The following KDM4B variants were observed in gnomAD, a reference collection of about 807,000 sequenced individuals.
KDM4B encodes lysine demethylase 4B, also known as lysine-specific demethylase 4B.
In KDM4B, 32 loss-of-function variants were observed where a neutral mutation model predicts 125.2. That is an observed-to-expected ratio of 0.26 (90% CI 0.19 to 0.34). The LOEUF is 0.34. KDM4B is among the 10% of genes least tolerant of loss of function. KDM4B has a pLI of 1.00. For synonymous variants in KDM4B, 721 were observed against 677.9 expected (o/e 1.06, Z -0.99); for missense variants, 1,190 against 1,577.7 (o/e 0.75, Z 4.16).
In KDM4B at chr19:5,134,073, G is replaced by A. The variant is rs1355585279; in HGVS notation, c.2085+12G>A. 1 of 1,576,144 alleles carries A rather than the reference G, an allele frequency of 6.3e-7. No homozygotes were observed. Among genetic ancestry groups the A allele is most frequent in the Admixed American group, 1.7e-5 (1 of 57,944 alleles). On this transcript the variant is annotated intron_variant, in intron 14 of 22. Coordinates refer to ENST00000159111, the MANE Select transcript of KDM4B (RefSeq NM_015015.3). ...ACCCCTACTGCCAGGTGGGCAGGCG[G>A]GCCTCACGGGTCCCAGAGAACCCCA...
At chr19:5,108,809 G>A (rs2039084098) in intron 9 of KDM4B, among the ~76,000 whole-genome samples, 1 of 152,178 alleles carries the variant, frequency 6.6e-6, no homozygotes, top group Non-Finnish European at 1.5e-5. Flanking sequence ...GATAAGGGTT[G>A]GCAGAGGTCG....
intron 3 of KDM4B, 72 bp downstream of exon 3, chr19:5,033,103 C>T (rs2145621263): frequency 1.9e-6 from 3 of 1,549,226 alleles, no homozygotes; most frequent in Non-Finnish European, 2.6e-6. Flanking sequence ...TCCTGGGTCC[C>T]AGCTCAGCCA....
At chr19:5,139,034 C>T (rs1039540775) in intron 18 of KDM4B, among the ~76,000 whole-genome samples, 6 of 152,144 alleles carry the variant, frequency 3.9e-5, no homozygotes, top group Non-Finnish European at 8.8e-5. Flanking sequence ...GCGATCATCC[C>T]GCCTCAGCCT....
rs1280832422 is a variant in KDM4B at position 5,018,942 on chromosome 19, C to T, written c.-26+2603C>T. 7.2e-5 allele frequency among the ~76,000 whole-genome samples: 11 copies of T among 152,246 alleles called. No homozygotes were observed. In the East Asian group the frequency reaches 7.7e-4, roughly 11 times the overall value. On this transcript the variant is annotated intron_variant, in intron 2 of 22. Coordinates refer to ENST00000159111, the MANE Select transcript of KDM4B (RefSeq NM_015015.3). ...GCGTTCTGCTGTGTGTGGTGCCGGG[C>T]GACCTGCTCCCCTGCTGATGGGCGC... is the stretch of plus-strand genomic sequence containing the variant.
rs147573499 is a variant in KDM4B at position 4,998,564 on chromosome 19, C to T, written c.-108-17693C>T. The stretch of plus-strand genomic sequence containing the variant: ...TTTACCTCTCCTTCAGTGTGTATTT[C>T]CCCCAGACAAGGAATTTTTGTATCA... On this transcript the variant is annotated intron_variant, in intron 1 of 22. Coordinates refer to ENST00000159111, the MANE Select transcript of KDM4B (RefSeq NM_015015.3). Among the ~76,000 whole-genome samples, 968 of 152,194 alleles carry T rather than the reference C, an allele frequency of 6.4e-3. 9 individuals carry two copies. Among genetic ancestry groups the T allele is most frequent in the African/African-American group, 0.022 (913 of 41,498 alleles).
chr19:5,122,923 C>T (rs2039387147), intron 11 of KDM4B, among the ~76,000 whole-genome samples: 1 of 152,356 alleles, frequency 6.6e-6, no homozygotes, highest in African/African-American at 2.4e-5. Context: ...TGCGTGAGTC[C>T]GGCTGCATTG....
chr19:5,143,156 C>T (rs1210260907), intron 18 of KDM4B, among the ~76,000 whole-genome samples: 2 of 152,004 alleles, frequency 1.3e-5, no homozygotes, highest in Non-Finnish European at 2.9e-5. Context: ...CAAGACTCCA[C>T]CTCTACAAAA....
chr19:4,989,080 T>C (rs1263096625), intron 1 of KDM4B, among the ~76,000 whole-genome samples: 1 of 152,228 alleles, frequency 6.6e-6, no homozygotes, highest in Non-Finnish European at 1.5e-5. Flanking sequence ...TTGCCTCCGC[T>C]TCCTTGTCTG....
chr19:5,050,532 G>A (rs1177712047), intron 6 of KDM4B, among the ~76,000 whole-genome samples: 1 of 152,222 alleles, frequency 6.6e-6, no homozygotes, highest in African/African-American at 2.4e-5. Flanking sequence ...GTGGGGTGGT[G>A]GCCTGGGGTC....
Position 5,141,487 on chromosome 19 carries a change from A to G in KDM4B, c.2551-2480A>G, listed in dbSNP as rs575466598. On this transcript the variant is annotated intron_variant, in intron 18 of 22. Coordinates refer to ENST00000159111, the MANE Select transcript of KDM4B (RefSeq NM_015015.3). This position sits in a 1 kb window ranked among gnomAD's most constrained non-coding sequence, Gnocchi z 6.4. ...TACCGGTGCTTGTAACGATGAATTA[A>G]AAATCCTTTTACACGAGGCCCGCTT... 1 of 152,344 alleles carries G rather than the reference A, an allele frequency of 6.6e-6. No homozygotes were observed. Among genetic ancestry groups the G allele is most frequent in the African/African-American group, 2.4e-5 (1 of 41,578 alleles). The allele number at this position is 152,344 out of a possible 1,614,324, so 9.4% of individuals were successfully genotyped here. A position where few individuals can be genotyped will look rare whatever the true frequency, so the allele number is the denominator to read the frequency against.
At chr19:5,064,463 C>T (rs1167338029) in intron 6 of KDM4B, among the ~76,000 whole-genome samples, 1 of 35,492 alleles carries the variant, frequency 2.8e-5, no homozygotes, top group Non-Finnish European at 5.5e-5. Flanking sequence ...TCCTCGGCGG[C>T]GGGGGTGGGG....
At chr19:5,069,395 CA>C (rs1391806499) in intron 6 of KDM4B, among the ~76,000 whole-genome samples, 1 of 148,588 alleles carries the variant, frequency 6.7e-6, no homozygotes, top group East Asian at 2.0e-4. Context: ...TTGCAACCTC[CA>C]CTTCCTGGAT....
In KDM4B at chr19:5,081,176, C is replaced by G. The variant is rs1302921361; in HGVS notation, c.781-1191C>G. Among the ~76,000 whole-genome samples, 1 of 152,142 alleles carries G rather than the reference C, an allele frequency of 6.6e-6. No homozygotes were observed. The highest frequency in any genetic ancestry group is 2.4e-5 in the African/African-American group (1 of 41,420). On this transcript the variant is annotated intron_variant, in intron 8 of 22. Transcript: ENST00000159111. This position sits in a 1 kb window ranked among gnomAD's most constrained non-coding sequence, Gnocchi z 4.2. The stretch of plus-strand genomic sequence containing the variant: ...TGGATGTTAAATAAAGATGAGGAGC[C>G]CACTTGACTTCAAGGATTCTAGTTC...
At chr19:5,019,375 T>C (rs1374600550) in intron 2 of KDM4B, among the ~76,000 whole-genome samples, 6 of 142,104 alleles carry the variant, frequency 4.2e-5, no homozygotes, top group African/African-American at 1.6e-4. Flanking sequence ...GGTGTGGACA[T>C]TGGTGTGCAG....
intron 1 of KDM4B, 146 bp downstream of exon 1, chr19:4,969,376 C>T (rs1169705043): frequency 4.8e-5 from 6 of 123,992 alleles, no homozygotes; most frequent in African/African-American, 1.8e-4. Context: ...GGGCCTCGCG[C>T]TTTGTCCGGG....
intron 1 of KDM4B, among the ~76,000 whole-genome samples, chr19:4,996,430 A>G (rs1437810995): frequency 1.3e-5 from 2 of 152,112 alleles, no homozygotes; most frequent in African/African-American, 4.8e-5. Context: ...GCTGGAGTGC[A>G]GTGGCATGAT....
intron 2 of KDM4B, among the ~76,000 whole-genome samples, chr19:5,030,998 G>C (rs1415734217): frequency 6.6e-6 from 1 of 152,166 alleles, no homozygotes; most frequent in African/African-American, 2.4e-5. Flanking sequence ...TGCCTTGGCA[G>C]CTCCCATCGT....
chr19:4,976,461 C>T (rs753566711), intron 1 of KDM4B, among the ~76,000 whole-genome samples: 1 of 152,172 alleles, frequency 6.6e-6, no homozygotes, highest in Non-Finnish European at 1.5e-5. Flanking sequence ...TCTGTTACAG[C>T]TCACCAAGCG....
At chr19:5,020,975 C>T (rs1046272784) in intron 2 of KDM4B, among the ~76,000 whole-genome samples, 91 of 151,806 alleles carry the variant, frequency 6.0e-4, no homozygotes, top group South Asian at 8.4e-4. Context: ...GGTGAAACTC[C>T]GTCTCAACTA....
Sources: gnomAD v4.1 joint callset for allele counts (sites outside exome capture counted in the v4.1 genomes callset) on GRCh38, gnomAD v4.1.1 for gene constraint, Gnocchi (gnomAD v3.1) non-coding constraint, MANE v1.5 for transcripts, NCBI Gene and HGNC (gene_info 2026-07-23, HGNC 2026-07-21) for gene names.